The following SERINC5 variants were observed in gnomAD, a reference collection of about 807,000 sequenced individuals.
SERINC5 encodes chromosome 5 open reading frame 12.
A neutral mutation model predicts 63.1 loss-of-function variants in SERINC5; 41 were observed. The ratio of observed to expected loss-of-function variants is 0.65; its 90% CI spans 0.51 to 0.84. The LOEUF (loss-of-function observed/expected upper bound fraction) is 0.84. Ranked by LOEUF, SERINC5 falls within the 40% of genes least tolerant of loss-of-function variation. The pLI is 0.00. For synonymous variants in SERINC5, 222 were observed against 215.2 expected (o/e 1.03, Z -0.28); for missense variants, 523 against 573.0 (o/e 0.91, Z 0.89).
At chr5:80,155,527 C>A (rs1160654167) in intron 8 of SERINC5, among the ~76,000 whole-genome samples, 1 of 149,324 alleles carries the variant, frequency 6.7e-6, no homozygotes, top group African/African-American at 2.5e-5. Flanking sequence ...GAGCTGAGAT[C>A]CTGCCATTGC....
chr5:80,165,241 G>C (rs1747212389), intron 7 of SERINC5, among the ~76,000 whole-genome samples: 1 of 151,738 alleles, frequency 6.6e-6, no homozygotes, highest in Non-Finnish European at 1.5e-5. Context: ...AGTTACTTAA[G>C]ACCTCCACTT....
intron 1 of SERINC5, among the ~76,000 whole-genome samples, chr5:80,231,803 T>A (rs574621254): frequency 4.6e-5 from 7 of 152,104 alleles, no homozygotes; most frequent in Admixed American, 3.3e-4. Context: ...CAGACAAAAA[T>A]TAACTCATTA....
chr5:80,153,178 C>T (rs1390603345), intron 8 of SERINC5, among the ~76,000 whole-genome samples: 2 of 152,066 alleles, frequency 1.3e-5, no homozygotes, highest in African/African-American at 4.8e-5. Context: ...TATTCAGTTG[C>T]CGGGCGTGGT....
chr5:80,121,517 G>A (rs1049223213), intron 11 of SERINC5, among the ~76,000 whole-genome samples: 3 of 152,206 alleles, frequency 2.0e-5, no homozygotes, highest in South Asian at 2.1e-4. Flanking sequence ...CTCCAACACT[G>A]AGGATTACAT....
intron 3 of SERINC5, 67 bp from the exon 4 acceptor site, chr5:80,177,464 G>A (rs6890275): frequency 7.9e-7 from 1 of 1,261,328 alleles, no homozygotes; most frequent in Middle Eastern, 1.8e-4. Flanking sequence ...AAAGGACCTC[G>A]TAGAAGGTAC....
At chr5:80,242,703 T>C (rs542420145) in intron 1 of SERINC5, among the ~76,000 whole-genome samples, 5 of 151,854 alleles carry the variant, frequency 3.3e-5, no homozygotes, top group Non-Finnish European at 7.4e-5. Context: ...TGAGCCAAGA[T>C]CTCACCACTG....
intron 1 of SERINC5, among the ~76,000 whole-genome samples, chr5:80,204,542 T>A (rs1304329763): frequency 1.3e-5 from 2 of 152,168 alleles, no homozygotes; most frequent in African/African-American, 4.8e-5. Context: ...GAACAAAGCT[T>A]TCATCGGAAT....
chr5:80,198,478 T>C (rs1305471401), intron 2 of SERINC5: 1 of 968,498 alleles, frequency 1.0e-6, no homozygotes, highest in Admixed American at 6.2e-5. Flanking sequence ...GGAGCTGCCC[T>C]TGCGCTCCTA....
At chr5:80,131,668 C>G (rs1028406517) in intron 11 of SERINC5, among the ~76,000 whole-genome samples, 2 of 152,180 alleles carry the variant, frequency 1.3e-5, no homozygotes, top group Non-Finnish European at 2.9e-5. Flanking sequence ...ACTGTAGAGT[C>G]TTTGGCTTTT....
chr5:80,131,001 GGA>G (rs1325553475), intron 11 of SERINC5, among the ~76,000 whole-genome samples: 1 of 152,192 alleles, frequency 6.6e-6, no homozygotes, highest in Non-Finnish European at 1.5e-5. Flanking sequence ...GGAAATTCAG[GGA>G]GAGAGTGAAA....
intron 1 of SERINC5, among the ~76,000 whole-genome samples, chr5:80,238,029 G>A (rs759179321): frequency 1.9e-4 from 28 of 150,684 alleles, no homozygotes; most frequent in Non-Finnish European, 3.5e-4. Flanking sequence ...ACTTGAACCC[G>A]GGAGGCAGAG....
chr5:80,179,281 A>T (rs1211009942), intron 2 of SERINC5, among the ~76,000 whole-genome samples: 1 of 152,232 alleles, frequency 6.6e-6, no homozygotes, highest in Non-Finnish European at 1.5e-5. Context: ...CCTGGGCAAC[A>T]GAGTGAGACT....
chr5:80,223,804 T>A (rs2112544945), intron 1 of SERINC5, among the ~76,000 whole-genome samples: 1 of 152,198 alleles, frequency 6.6e-6, no homozygotes. Flanking sequence ...TCTGTGATGA[T>A]ACAACTATCT....
chr5:80,242,640 C>T lies in SERINC5; in HGVS notation c.27+13256G>A, dbSNP rs576113535. Among the ~76,000 whole-genome samples, 377 of 152,288 alleles carry T rather than the reference C, an allele frequency of 2.5e-3. 1 individual carries two copies. The highest frequency in any genetic ancestry group is 0.014 in the Middle Eastern group (4 of 294). ...TGGCATGCGCCTGTAGTTCCAGCTA[C>T]TCGGGAGGCTGAGGCAGGAGAATCA... On this transcript the variant is annotated intron_variant, in intron 1 of 11. Transcript: ENST00000507668.
intron 11 of SERINC5, among the ~76,000 whole-genome samples, chr5:80,132,574 T>C (rs1025896719): frequency 3.9e-5 from 6 of 151,944 alleles, no homozygotes; most frequent in Non-Finnish European, 7.4e-5. Flanking sequence ...AATAAACTCT[T>C]TACCTATATG....
chr5:80,162,217 T>C (rs1437509928), intron 7 of SERINC5, among the ~76,000 whole-genome samples: 3 of 20,168 alleles, frequency 1.5e-4, no homozygotes, highest in African/African-American at 2.2e-4. Context: ...GTTGTTTCTA[T>C]ACAAATTTTA....
intron 1 of SERINC5, among the ~76,000 whole-genome samples, chr5:80,247,712 C>G (rs529755752): frequency 6.6e-6 from 1 of 152,330 alleles, no homozygotes; most frequent in South Asian, 2.1e-4. Flanking sequence ...CCTGTATCAG[C>G]TCACCAGTGA....
intron 2 of SERINC5, among the ~76,000 whole-genome samples, chr5:80,188,208 G>A (rs150176899): frequency 5.2e-3 from 787 of 150,572 alleles, no homozygotes; most frequent in African/African-American, 0.015. Flanking sequence ...GCTTGAACCC[G>A]GGAGGCGGGG....
chr5:80,113,905 C>A lies in SERINC5; in HGVS notation c.1239-280G>T, dbSNP rs116783425. ...ACCTCTGCCATGCTGTGTGCCCCCC[C>A]ACCCATGCCTGTGGGCGAGGCTCCC... On this transcript the variant is annotated intron_variant, in intron 11 of 12. Transcript: ENST00000509193. Among the ~76,000 whole-genome samples the A allele has an allele frequency of 7.9e-5, 12 of 151,950 alleles. No individual in the cohort carries two copies. In the East Asian group the frequency reaches 9.6e-4, roughly 12 times the overall value.
Sources: gnomAD v4.1 joint callset for allele counts (sites outside exome capture counted in the v4.1 genomes callset) on GRCh38, gnomAD v4.1.1 for gene constraint, MANE v1.5 for transcripts, NCBI Gene and HGNC (gene_info 2026-07-23, HGNC 2026-07-21) for gene names.